The following FOXO3B variants were observed in gnomAD, a reference collection of about 807,000 sequenced individuals.
The protein encoded by FOXO3B is forkhead box protein O3B.
FOXO3B carries 15 observed loss-of-function variants against 21.9 expected under a neutral mutation model. The ratio of observed to expected loss-of-function variants is 0.68; its 90% confidence interval spans 0.46 to 1.05. The LOEUF is 1.05. FOXO3B is among the 50% of genes least tolerant of loss of function. FOXO3B has a pLI of 0.00. For missense variants in FOXO3B, 293 were observed against 435.5 expected, an observed-to-expected ratio of 0.67 and a Z score of 2.91; for synonymous variants, 135 against 213.6, an observed-to-expected ratio of 0.63 and a Z score of 3.21.
intron 3 of FOXO3B, among the ~76,000 whole-genome samples, chr17:18,676,824 C>T (rs1315140887): frequency 6.6e-6 from 1 of 152,034 alleles, no homozygotes; most frequent in African/African-American, 2.4e-5. Context: ...CCTCAGCCTC[C>T]CAAGTAGCTA....
chr17:18,670,535 C>T lies in FOXO3B; in HGVS notation c.*1774G>A, dbSNP rs1259305416. 6.6e-6 allele frequency among the ~76,000 whole-genome samples: 1 copy of T among 152,248 alleles called. No homozygotes were observed. The highest frequency in any genetic ancestry group is 1.9e-4 in the East Asian group (1 of 5,198). On this transcript the variant is annotated 3_prime_UTR_variant, in exon 4 of 4. Transcript: ENST00000395675. Reference sequence around the variant, plus strand: ...ACAAACACAAGAACAACACTTAAAACATCCCATAAACCATCGCAATATTAA... The same window carrying T: ...ACAAACACAAGAACAACACTTAAAATATCCCATAAACCATCGCAATATTAA...
rs1285480333 is a variant in FOXO3B at position 18,669,682 on chromosome 17, C to T, written c.*2627G>A. Among the ~76,000 whole-genome samples, 3 of 152,192 alleles carry T rather than the reference C, an allele frequency of 2.0e-5. No homozygotes were observed. Among genetic ancestry groups the T allele is most frequent in the African/African-American group, 7.2e-5 (3 of 41,450 alleles). ...GCCCTATTTTGTACTTCCATTGAGT[C>T]GCTTGTACAATTACAACCTAAGCTT... On this transcript the variant is annotated 3_prime_UTR_variant, in exon 4 of 4. Transcript: ENST00000395675.
chr17:18,671,640 G>T lies in FOXO3B; in HGVS notation c.*669C>A, dbSNP rs2032365313. 4 of 1,613,860 alleles carry T rather than the reference G, an allele frequency of 2.5e-6. No homozygotes were observed. The highest frequency in any genetic ancestry group is 2.2e-5 in the East Asian group (1 of 44,900). On this transcript the variant is annotated 3_prime_UTR_variant, in exon 4 of 4. Transcript: ENST00000395675. ...AGGTCCAAACACCGTGCTGTTAAAG[G>T]AGCTGGTTGGGGAGCTCAGGCCCGA...
chr17:18,669,088 T>A lies in FOXO3B; in HGVS notation c.*3221A>T, dbSNP rs1395048990. 2 of 140,714 alleles carry A rather than the reference T, an allele frequency of 1.4e-5. No individual in the cohort carries two copies. The highest frequency in any genetic ancestry group is 1.5e-5 in the Non-Finnish European group (1 of 65,520). 8.7% of individuals were successfully genotyped at this position (140,714 alleles called of 1,614,324 possible). A position where few individuals can be genotyped will look rare whatever the true frequency, so the allele number is the denominator to read the frequency against. On this transcript the variant is annotated 3_prime_UTR_variant, in exon 4 of 4. Transcript: ENST00000395675. ...AATCAACAGGGCCATCGCTCAAACA[T>A]GGCAACCCAAGCGAGGCAGGAGACG...
chr17:18,672,560 T>C lies in FOXO3B; in HGVS notation c.622A>G (p.Thr208Ala). The change falls in exon 4 of 4, where the codon ACA (threonine) becomes GCA (alanine). Residue 208 changes from threonine to alanine, a missense_variant. Coordinates refer to ENST00000395675, the MANE Select transcript of FOXO3B (RefSeq NM_001368135.1). The surrounding 1 kb of genome is among the most constrained non-coding windows in gnomAD (Gnocchi z 4.2). ...ATAAGGLSGG[T>A]QALLQPQQPL... is the part of the protein sequence containing the mutation. ...TGCTGAGGCTGCAGCAGCGCCTGTG[T>C]ACCCCCGCTCAGCCCGCCCGCCGCG... The C allele has an allele frequency of 1.4e-6, 2 of 1,451,594 alleles. No homozygotes were observed. Among genetic ancestry groups the C allele is most frequent in the Non-Finnish European group, 1.8e-6 (2 of 1,106,660 alleles). The allele number at this position is 1,451,594 out of a possible 1,614,324, so 89.9% of individuals were successfully genotyped here.
At chr17:18,680,486 G>A (rs569558336) in intron 3 of FOXO3B, among the ~76,000 whole-genome samples, 1 of 151,784 alleles carries the variant, frequency 6.6e-6, no homozygotes, top group South Asian at 2.1e-4. Context: ...GAGCATAGGA[G>A]GCTAAGAAAG....
At chr17:18,680,615 T>A in intron 3 of FOXO3B, 126 bp downstream of exon 3, 1 of 744,096 alleles carries the variant, frequency 1.3e-6, no homozygotes, top group East Asian at 2.7e-5. Context: ...GACTAGTCTC[T>A]TAGATTTAGA....
rs956074050 is a variant in FOXO3B, at chr17:18,671,019, T to A, written c.*1290A>T. The A allele has an allele frequency of 8.0e-7, 1 of 1,246,308 alleles. No homozygotes were observed. The highest frequency in any genetic ancestry group is 1.5e-5 in the African/African-American group (1 of 66,112). 77.2% of individuals were successfully genotyped at this position (1,246,308 alleles called of 1,614,324 possible). A position where few individuals can be genotyped will look rare whatever the true frequency, so the allele number is the denominator to read the frequency against. Reference sequence around the variant, plus strand: ...GGAATCAAAGTTAAAATCCAACCCATCAGCATCCATGAGTTCACTACGGAT... The same window carrying A: ...GGAATCAAAGTTAAAATCCAACCCAACAGCATCCATGAGTTCACTACGGAT... On this transcript the variant is annotated 3_prime_UTR_variant, in exon 4 of 4. Coordinates refer to ENST00000395675, the MANE Select transcript of FOXO3B (RefSeq NM_001368135.1).
Position 18,671,681 on chromosome 17 carries a change from C to A in FOXO3B, c.*628G>T, listed in dbSNP as rs2032366541. On this transcript the variant is annotated 3_prime_UTR_variant, in exon 4 of 4. Coordinates refer to ENST00000395675, the MANE Select transcript of FOXO3B (RefSeq NM_001368135.1). Reference sequence around the variant, plus strand: ...TCAGGCCCGAGCCCTTGGTGGTATACGGGAAGCTAGAACTCCGCTGCATGA... The same window carrying A: ...TCAGGCCCGAGCCCTTGGTGGTATAAGGGAAGCTAGAACTCCGCTGCATGA... 1 of 1,613,650 alleles carries A rather than the reference C, an allele frequency of 6.2e-7. No individual in the cohort carries two copies. The highest frequency in any genetic ancestry group is 8.5e-7 in the Non-Finnish European group (1 of 1,179,980).
intron 3 of FOXO3B, chr17:18,677,760 T>C: frequency 6.7e-7 from 1 of 1,496,464 alleles, no homozygotes; most frequent in East Asian, 2.2e-5. Context: ...GCGGCTGTAG[T>C]GGGCTCTCTT....
At position 18,672,365 on chromosome 17, in the gene FOXO3B, C is replaced by A. The variant is rs2032386376; in HGVS notation, c.817G>T (p.Val273Leu). 2 of 1,612,152 alleles carry A rather than the reference C, an allele frequency of 1.2e-6. No individual in the cohort carries two copies. The highest frequency in any genetic ancestry group is 8.5e-7 in the Non-Finnish European group (1 of 1,179,130). The change falls in exon 4 of 4, where the codon GTG becomes TTG. Residue 273 changes from valine to leucine, a missense_variant. Val to Leu is a conservative substitution (Grantham distance 32). Transcript: ENST00000395675. This position sits in a 1 kb window ranked among gnomAD's most constrained non-coding sequence, Gnocchi z 4.2. ...LTLSQIYEWM[V>L]SCVPYFKDKG... ...TCCTTGAAGTAGGGCACGCAACTCA[C>A]CATCCACTCGTAGATCTGGGACAGA...
At position 18,681,670 on chromosome 17, in the gene FOXO3B, GTTC is replaced by G; in HGVS notation, c.-22_-20del. The G allele has an allele frequency of 1.3e-6, 1 of 793,582 alleles. No homozygotes were observed. The highest frequency in any genetic ancestry group is 2.1e-6 in the Non-Finnish European group (1 of 474,568). The allele number at this position is 793,582 out of a possible 1,614,324, so 49.2% of individuals were successfully genotyped here. The stretch of plus-strand genomic sequence containing the variant: ...TCTCCATGATCACCACCTCCTCCTT[GTTC>G]TGGAGATTCTGCTCTTCACCCCAAT... On this transcript the variant is annotated 5_prime_UTR_variant, in exon 2 of 4. Coordinates refer to ENST00000395675, the MANE Select transcript of FOXO3B (RefSeq NM_001368135.1).
intron 3 of FOXO3B, chr17:18,677,417 C>T: frequency 6.2e-7 from 1 of 1,614,146 alleles, no homozygotes; most frequent in Non-Finnish European, 8.5e-7. Context: ...AGCTGGGCAT[C>T]CGACACGTAC....
rs1305886603 is a variant in FOXO3B, at chr17:18,671,541, A to G, written c.*768T>C. On this transcript the variant is annotated 3_prime_UTR_variant, in exon 4 of 4. Transcript: ENST00000395675. The stretch of plus-strand genomic sequence containing the variant: ...GAGTGTCTGGTTACCATAGTGTGAC[A>G]TGGAAGAGAAGGTAGCTGGCTTGTT... 2 of 1,602,090 alleles carry G rather than the reference A, an allele frequency of 1.2e-6. No homozygotes were observed. Among genetic ancestry groups the G allele is most frequent in the East Asian group, 2.2e-5 (1 of 44,748 alleles).
intron 3 of FOXO3B, among the ~76,000 whole-genome samples, chr17:18,679,145 C>T (rs1283476301): frequency 2.0e-5 from 3 of 152,028 alleles, no homozygotes; most frequent in Admixed American, 6.6e-5. Context: ...TATATGTAGC[C>T]AGACCTAGAT....
rs1319050062 is a variant in FOXO3B at position 18,672,466 on chromosome 17, C to A, written c.716G>T (p.Arg239Leu). 7 of 1,579,978 alleles carry A rather than the reference C, an allele frequency of 4.4e-6. No homozygotes were observed. The East Asian group carries it at 1.4e-4, about 31-fold the overall frequency. ...GTAGGACAGGTTTCCCCAGGCGTTC[C>A]GCCGCGACGAACATTTCCTCGGCTG... is the stretch of plus-strand genomic sequence containing the variant. ...SGQPRKCSSRRNAWGNLSYAD... is the reference protein window; with the variant it reads ...SGQPRKCSSRLNAWGNLSYAD... Residue 239 changes from arginine to leucine, a missense_variant, in exon 4 of 4, where the codon CGG (arginine) becomes CTG (leucine). This residue lies in a region of FOXO3B where 251 missense variants were observed against 404.0 expected (regional missense o/e 0.62). Coordinates refer to ENST00000395675, the MANE Select transcript of FOXO3B (RefSeq NM_001368135.1). This position sits in a 1 kb window ranked among gnomAD's most constrained non-coding sequence, Gnocchi z 4.2.
At position 18,670,278 on chromosome 17, in the gene FOXO3B, A is replaced by G. The variant is rs1043869628; in HGVS notation, c.*2031T>C. 6.6e-6 allele frequency among the ~76,000 whole-genome samples: 1 copy of G among 152,214 alleles called. No homozygotes were observed. Among genetic ancestry groups the G allele is most frequent in the African/African-American group, 2.4e-5 (1 of 41,450 alleles). ...TGTGCCATTGTTCAGTTTTTAGAAA[A>G]GGATAATTTTCTACCAAACAAAAGA... On this transcript the variant is annotated 3_prime_UTR_variant, in exon 4 of 4. Coordinates refer to ENST00000395675, the MANE Select transcript of FOXO3B (RefSeq NM_001368135.1).
In FOXO3B at chr17:18,671,498, C is replaced by T. The variant is rs2032362801; in HGVS notation, c.*811G>A. ...TGACATCGCTGTGGCTAAGTGAGTCCGAAGTGAGCAGGTCCTGGAGTGTCT... is the reference window on the plus strand; with the variant it reads ...TGACATCGCTGTGGCTAAGTGAGTCTGAAGTGAGCAGGTCCTGGAGTGTCT... On this transcript the variant is annotated 3_prime_UTR_variant, in exon 4 of 4. Transcript: ENST00000395675. 22 of 1,593,522 alleles carry T rather than the reference C, an allele frequency of 1.4e-5. No homozygotes were observed. The East Asian group carries it at 3.6e-4, about 26-fold the overall frequency.
In FOXO3B at chr17:18,670,562, ACAC is replaced by A. The variant is rs1877877294; in HGVS notation, c.*1744_*1746del. Among the ~76,000 whole-genome samples the A allele has an allele frequency of 6.6e-6, 1 of 152,228 alleles. No homozygotes were observed. Among genetic ancestry groups the A allele is most frequent in the African/African-American group, 2.4e-5 (1 of 41,454 alleles). ...TCCCATAAACCATCGCAATATTAAA[ACAC>A]CACAGAATGGCCGAAGAGGGCTCAC... On this transcript the variant is annotated 3_prime_UTR_variant, in exon 4 of 4. Transcript: ENST00000395675.
Sources: gnomAD v4.1 joint callset for allele counts (sites outside exome capture counted in the v4.1 genomes callset) on GRCh38, gnomAD v4.1.1 for gene constraint, gnomAD v4.1.1 regional missense constraint, Gnocchi (gnomAD v3.1) non-coding constraint, MANE v1.5 for transcripts, NCBI Gene and HGNC (gene_info 2026-07-23, HGNC 2026-07-21) for gene names.